LRFN5: variants seen among roughly 807,000 people sequenced by gnomAD.
LRFN5 encodes leucine rich repeat and fibronectin type III domain containing 5, also known as leucine-rich repeat and fibronectin type-III domain-containing protein 5.
In LRFN5, 24 loss-of-function variants were observed where a neutral mutation model predicts 45.6. The observed-to-expected ratio is 0.53, with a 90% CI of 0.38 to 0.74. The LOEUF is 0.74. LRFN5 is among the 30% of genes least tolerant of loss of function. The pLI, the probability that LRFN5 is intolerant of heterozygous loss-of-function variation, is 0.00. For missense variants in LRFN5, 776 were observed against 861.5 expected (o/e 0.90, Z 1.24); for synonymous variants, 340 against 313.8 (o/e 1.08, Z -0.88).
At chr14:41,755,539 T>C (rs1220079887) in intron 1 of LRFN5, among the ~76,000 whole-genome samples, 2 of 152,198 alleles carry the variant, frequency 1.3e-5, no homozygotes, top group Non-Finnish European at 2.9e-5. Context: ...TTGTCTCTTT[T>C]GATCTTTGTT....
chr14:41,884,773 C>T (rs1890506081), intron 2 of LRFN5, among the ~76,000 whole-genome samples: 1 of 152,144 alleles, frequency 6.6e-6, no homozygotes, highest in Admixed American at 6.5e-5. Context: ...AGATGTTTCT[C>T]ATAGACAAGG....
chr14:41,856,676 T>TTATTATTATTA lies in LRFN5; in HGVS notation c.-20-29929_-20-29928insATTATTATTAT, dbSNP rs556475186. The stretch of plus-strand genomic sequence containing the variant: ...TCTTTCCTAATTATTATTATTATTA[T>TTATTATTATTA]TTTTTTTTTTTTTTTTTTGAGACGG... On this transcript the variant is annotated intron_variant, in intron 2 of 5. Coordinates refer to ENST00000298119, the MANE Select transcript of LRFN5 (RefSeq NM_152447.5). 4.3e-3 allele frequency among the ~76,000 whole-genome samples: 30 copies of TTATTATTATTA among 6,982 alleles called. No homozygotes were observed. The East Asian group carries it at 0.18, about 43-fold the overall frequency. 4.6% of individuals were successfully genotyped at this position (6,982 alleles called of 152,430 possible). A position where few individuals can be genotyped will look rare whatever the true frequency, so the allele number is the denominator to read the frequency against.
At chr14:41,772,320 C>A (rs897356996) in intron 2 of LRFN5, among the ~76,000 whole-genome samples, 1 of 152,164 alleles carries the variant, frequency 6.6e-6, no homozygotes, top group Non-Finnish European at 1.5e-5. Flanking sequence ...CAAACCATAT[C>A]AAATCTGATA....
chr14:41,744,315 C>T (rs1884828379), intron 1 of LRFN5, among the ~76,000 whole-genome samples: 1 of 152,052 alleles, frequency 6.6e-6, no homozygotes, highest in African/African-American at 2.4e-5. Context: ...TGGTATCGTG[C>T]CACTTCACTC....
intron 4 of LRFN5, chr14:41,894,405 T>A (rs528246052): frequency 1.2e-6 from 1 of 867,240 alleles, no homozygotes; most frequent in South Asian, 5.3e-5. Flanking sequence ...AATAATTTAA[T>A]GTGATTTAAT....
chr14:41,714,015 T>G (rs921633331), intron 1 of LRFN5, among the ~76,000 whole-genome samples: 1 of 152,130 alleles, frequency 6.6e-6, no homozygotes, highest in Non-Finnish European at 1.5e-5. Flanking sequence ...AAAGGCAATG[T>G]CATGCAGCAG....
At chr14:41,846,401 G>A (rs567723773) in intron 2 of LRFN5, among the ~76,000 whole-genome samples, 19 of 152,070 alleles carry the variant, frequency 1.2e-4, no homozygotes, top group East Asian at 3.9e-4. Context: ...TGCTATAATC[G>A]TATAATGTAA....
intron 2 of LRFN5, among the ~76,000 whole-genome samples, chr14:41,800,375 C>T: frequency 6.6e-6 from 1 of 151,912 alleles, no homozygotes; most frequent in East Asian, 1.9e-4. Context: ...GACTCTACTT[C>T]CTCAAGTATA....
intron 1 of LRFN5, among the ~76,000 whole-genome samples, chr14:41,724,661 A>G (rs1883855572): frequency 1.3e-5 from 2 of 151,946 alleles, no homozygotes; most frequent in Admixed American, 1.3e-4. Flanking sequence ...ATAAGTATAA[A>G]TATTTTCAAG....
chr14:41,883,064 G>A (rs918649100), intron 2 of LRFN5, among the ~76,000 whole-genome samples: 5 of 151,882 alleles, frequency 3.3e-5, no homozygotes, highest in African/African-American at 1.2e-4. Context: ...GGCCAGGATG[G>A]TCTCGAACTC....
intron 1 of LRFN5, among the ~76,000 whole-genome samples, chr14:41,726,752 G>A (rs1020665216): frequency 4.6e-5 from 7 of 152,038 alleles, no homozygotes; most frequent in Admixed American, 1.3e-4. Flanking sequence ...CTGCTGAACT[G>A]TGTAAACATA....
chr14:41,658,143 A>G (rs1880466328), intron 1 of LRFN5, among the ~76,000 whole-genome samples: 3 of 152,006 alleles, frequency 2.0e-5, no homozygotes, highest in African/African-American at 7.2e-5. Context: ...TACAGGAATT[A>G]GTAAATCATT....
At chr14:41,749,607 G>T (rs574764421) in intron 1 of LRFN5, among the ~76,000 whole-genome samples, 3 of 152,086 alleles carry the variant, frequency 2.0e-5, no homozygotes, top group Non-Finnish European at 4.4e-5. Flanking sequence ...ATAAGTGAAA[G>T]TGAAACCATA....
intron 1 of LRFN5, among the ~76,000 whole-genome samples, chr14:41,629,500 A>G (rs1360880378): frequency 6.6e-6 from 1 of 152,188 alleles, no homozygotes; most frequent in Non-Finnish European, 1.5e-5. Context: ...ATACCATTTT[A>G]TTTCTCTGAA....
intron 1 of LRFN5, among the ~76,000 whole-genome samples, chr14:41,708,903 C>CCTA (rs1883174445): frequency 6.6e-6 from 1 of 151,968 alleles, no homozygotes; most frequent in Non-Finnish European, 1.5e-5. Flanking sequence ...AAGAATTGAG[C>CCTA]TTTCATGTAT....
At chr14:41,855,858 T>C (rs552365853) in intron 2 of LRFN5, among the ~76,000 whole-genome samples, 75 of 152,336 alleles carry the variant, frequency 4.9e-4, no homozygotes, top group African/African-American at 1.8e-3. Context: ...TGAAACTATG[T>C]ATCACTGTAG....
At chr14:41,759,490 CACACACACAGAG>C (rs1423576063) in intron 1 of LRFN5, among the ~76,000 whole-genome samples, 29 of 82,276 alleles carry the variant, frequency 3.5e-4, no homozygotes, top group Admixed American at 1.0e-3. Flanking sequence ...CACACACACA[CACACACACAGAG>C]AGAGCACCAG....
chr14:41,739,232 A>G (rs1884580869), intron 1 of LRFN5, among the ~76,000 whole-genome samples: 1 of 152,068 alleles, frequency 6.6e-6, no homozygotes, highest in Non-Finnish European at 1.5e-5. Context: ...CAAAAATACA[A>G]AAATAAGCCA....
At chr14:41,691,450 A>G (rs1019805621) in intron 1 of LRFN5, among the ~76,000 whole-genome samples, 3 of 152,108 alleles carry the variant, frequency 2.0e-5, no homozygotes, top group African/African-American at 7.2e-5. Context: ...CAAACTCTTT[A>G]TGATTTCAAT....
Sources: allele counts gnomAD v4.1 joint callset (sites outside exome capture counted in the v4.1 genomes callset), GRCh38; gene constraint gnomAD v4.1.1; transcripts MANE v1.5; gene names NCBI Gene and HGNC (gene_info 2026-07-23, HGNC 2026-07-21).